Variants in CALCR observed in about 807,000 individuals in gnomAD.
CALCR encodes calcitonin receptor.
A neutral mutation model predicts 59.5 loss-of-function variants in CALCR; 47 were observed. The observed-to-expected ratio is 0.79, with a 90% CI of 0.63 to 1.01. The LOEUF (loss-of-function observed/expected upper bound fraction) is 1.01, where lower values mean the gene tolerates loss of function less well. CALCR is among the 50% of genes least tolerant of loss of function. The pLI is 0.00. For synonymous variants in CALCR, 213 were observed against 211.3 expected, an observed-to-expected ratio of 1.01 and a Z score of -0.07; for missense variants, 566 against 597.1, an observed-to-expected ratio of 0.95 and a Z score of 0.54.
rs1800358053 is a variant in CALCR, at chr7:93,462,521, G to A, written c.522-1574C>T. Among the ~76,000 whole-genome samples the A allele has an allele frequency of 1.3e-5, 2 of 152,100 alleles. 1 individual carries two copies. Among genetic ancestry groups the A allele is most frequent in the South Asian group, 4.1e-4 (2 of 4,828 alleles). On this transcript the variant is annotated intron_variant, in intron 7 of 13. Transcript: ENST00000426151. ...GGTGACTGCTGCAATCAGCACAGTTGAATCTGTGACCTGCCATCCTTCATA... is the reference window on the plus strand; with the variant it reads ...GGTGACTGCTGCAATCAGCACAGTTAAATCTGTGACCTGCCATCCTTCATA...
At chr7:93,484,014 T>A (rs370552317) in intron 3 of CALCR, 38 of 520,672 alleles carry the variant, frequency 7.3e-5, no homozygotes, top group African/African-American at 6.6e-4. Flanking sequence ...ACCACCAAGC[T>A]GCCACCAACA....
intron 2 of CALCR, among the ~76,000 whole-genome samples, chr7:93,504,020 C>T (rs1348392831): frequency 1.3e-5 from 2 of 152,074 alleles, no homozygotes; most frequent in Non-Finnish European, 2.9e-5. Context: ...TAAGAGTGCC[C>T]TGGTGGTGAT....
At position 93,521,124 on chromosome 7, in the gene CALCR, A is replaced by C. The variant is rs148738913; in HGVS notation, c.-26-34117T>G. Among the ~76,000 whole-genome samples the C allele has an allele frequency of 1.0e-3, 153 of 152,222 alleles. 1 individual carries two copies. The highest frequency in any genetic ancestry group is 3.5e-3 in the African/African-American group (145 of 41,546). ...AATGTTATTCAAAACAAATCCAACA[A>C]TTTGTCACATTAAGATCTTATTTAG... On this transcript the variant is annotated intron_variant, in intron 2 of 13. Coordinates refer to ENST00000426151, the MANE Select transcript of CALCR (RefSeq NM_001742.4).
chr7:93,441,539 G>A lies in CALCR; in HGVS notation c.802+2065C>T, dbSNP rs148500469. The A allele has an allele frequency of 3.9e-4, 173 of 444,970 alleles. 6 individuals carry two copies. In the East Asian group the frequency reaches 0.011, roughly 27 times the overall value. The allele number at this position is 444,970 out of a possible 1,614,324, so 27.6% of individuals were successfully genotyped here. ...GGGAAAGGAAAGATTAGTCTCTGTG[G>A]AAGGCTGGGGCTAAAAGAGAAAAAA... On this transcript the variant is annotated intron_variant, in intron 9 of 13. Transcript: ENST00000426151.
At chr7:93,566,246 C>CT (rs570342335) in intron 2 of CALCR, among the ~76,000 whole-genome samples, 220 of 151,428 alleles carry the variant, frequency 1.5e-3, no homozygotes, top group Non-Finnish European at 2.4e-3. Context: ...TCACATTTCA[C>CT]TTTTTTTTTC....
At chr7:93,468,836 A>AAACAAACAAACC in intron 6 of CALCR, 30 bp from the exon 7 acceptor site, 2 of 1,235,980 alleles carry the variant, frequency 1.6e-6, no homozygotes, top group Non-Finnish European at 2.3e-6. Context: ...ACAAACAAAC[A>AAACAAACAAACC]ATGAATGAAT....
intron 2 of CALCR, among the ~76,000 whole-genome samples, chr7:93,496,250 T>G (rs1334474488): frequency 1.3e-5 from 2 of 151,472 alleles, no homozygotes; most frequent in African/African-American, 4.8e-5. Flanking sequence ...GTCTTTCCTA[T>G]TCTCTCAGAG....
At position 93,496,666 on chromosome 7, in the gene CALCR, G is replaced by T. The variant is rs1197095330; in HGVS notation, c.-26-9659C>A. Among the ~76,000 whole-genome samples the T allele has an allele frequency of 7.9e-5, 12 of 151,578 alleles. No homozygotes were observed. The Admixed American group carries it at 7.9e-4, about 10-fold the overall frequency. ...ACATTTCCACCAATATCTTGGCTAT[G>T]AGAACAAGGAGTAGGATGAGGAATG... On this transcript the variant is annotated intron_variant, in intron 2 of 13. Transcript: ENST00000426151.
intron 3 of CALCR, among the ~76,000 whole-genome samples, chr7:93,481,955 A>T (rs1009913158): frequency 6.6e-6 from 1 of 151,852 alleles, no homozygotes; most frequent in Non-Finnish European, 1.5e-5. Context: ...GATGCTGAGG[A>T]TACAGTGCTG....
intron 7 of CALCR, among the ~76,000 whole-genome samples, chr7:93,463,286 T>C (rs1224533578): frequency 1.3e-5 from 2 of 151,540 alleles, no homozygotes; most frequent in Non-Finnish European, 2.9e-5. Flanking sequence ...ATATAAAGAG[T>C]ACTGTATCTC....
At chr7:93,433,373 G>A (rs1799699811) in intron 13 of CALCR, among the ~76,000 whole-genome samples, 1 of 152,178 alleles carries the variant, frequency 6.6e-6, no homozygotes, top group South Asian at 2.1e-4. Context: ...TAAAAGTTGT[G>A]TGGTCCTAGA....
At chr7:93,476,129 C>T (rs564446006) in intron 5 of CALCR, among the ~76,000 whole-genome samples, 3 of 151,676 alleles carry the variant, frequency 2.0e-5, no homozygotes, top group Non-Finnish European at 2.9e-5. Context: ...TGAGAATCAC[C>T]GTCCCAAACC....
At chr7:93,518,609 T>G (rs1230018806) in intron 2 of CALCR, among the ~76,000 whole-genome samples, 1 of 151,872 alleles carries the variant, frequency 6.6e-6, no homozygotes, top group Non-Finnish European at 1.5e-5. Flanking sequence ...TACAAAATAA[T>G]TAAACCCAAC....
chr7:93,431,971 C>A (rs1165105016), intron 13 of CALCR, among the ~76,000 whole-genome samples: 1 of 152,116 alleles, frequency 6.6e-6, no homozygotes, highest in African/African-American at 2.4e-5. Flanking sequence ...TTTGGATAAT[C>A]AATGTCCACT....
intron 2 of CALCR, among the ~76,000 whole-genome samples, chr7:93,557,398 GT>G (rs1298015918): frequency 1.3e-5 from 2 of 151,782 alleles, no homozygotes; most frequent in African/African-American, 4.8e-5. Flanking sequence ...AAAAATGATA[GT>G]TTTTAAGTCT....
At chr7:93,518,060 T>C (rs2116074435) in intron 2 of CALCR, among the ~76,000 whole-genome samples, 1 of 151,912 alleles carries the variant, frequency 6.6e-6, no homozygotes. Flanking sequence ...TGTAAAAGCA[T>C]GAAACATTGA....
intron 7 of CALCR, among the ~76,000 whole-genome samples, chr7:93,465,574 C>G (rs560342157): frequency 6.6e-6 from 1 of 152,008 alleles, no homozygotes; most frequent in South Asian, 2.1e-4. Flanking sequence ...AACTTTTGAA[C>G]AGTTAAGATT....
At chr7:93,480,899 G>A (rs1228989415) in intron 3 of CALCR, among the ~76,000 whole-genome samples, 2 of 151,880 alleles carry the variant, frequency 1.3e-5, no homozygotes, top group African/African-American at 2.4e-5. Context: ...ATGAGCCACT[G>A]TGAGAAAACC....
chr7:93,466,867 A>G (rs1392488908), intron 7 of CALCR, among the ~76,000 whole-genome samples: 3 of 151,744 alleles, frequency 2.0e-5, no homozygotes, highest in African/African-American at 7.3e-5. Flanking sequence ...AGCTTAATAT[A>G]GAAATGATCG....
Sources: gnomAD v4.1 joint callset for allele counts (sites outside exome capture counted in the v4.1 genomes callset) on GRCh38, gnomAD v4.1.1 for gene constraint, MANE v1.5 for transcripts, NCBI Gene and HGNC (gene_info 2026-07-23, HGNC 2026-07-21) for gene names.